The following CYP2J2 variants were observed in gnomAD, a reference collection of about 807,000 sequenced individuals.
CYP2J2 encodes the protein cytochrome P450 family 2 subfamily J member 2.
Under a neutral mutation model 48.8 loss-of-function variants are expected in CYP2J2, and 41 were observed. The observed-to-expected ratio is 0.84, with a 90% CI of 0.66 to 1.09. The LOEUF is 1.09. CYP2J2 is among the 50% of genes least tolerant of loss of function. CYP2J2 has a pLI of 0.00. For synonymous variants in CYP2J2, 221 were observed against 227.1 expected (o/e 0.97, Z 0.24); for missense variants, 644 against 617.3 (o/e 1.04, Z -0.46).
chr1:59,900,207 G>A (rs1644304949), intron 8 of CYP2J2, among the ~76,000 whole-genome samples: 1 of 152,244 alleles, frequency 6.6e-6, no homozygotes, highest in South Asian at 2.1e-4. Flanking sequence ...GCCACTGACT[G>A]ATGCCCATGT....
In CYP2J2 at chr1:59,893,484, G is replaced by A. The variant is rs4388726; in HGVS notation, c.*167C>T. On this transcript the variant is annotated 3_prime_UTR_variant, in exon 9 of 9. Coordinates refer to ENST00000371204, the MANE Select transcript of CYP2J2 (RefSeq NM_000775.4). ...TGATTTTCCCAAGGCTAATTCGGAC[G>A]AGACAGTAGAGCTGGGATTTGGATC... 38,460 of 503,482 alleles carry A rather than the reference G, an allele frequency of 0.076. 1,712 individuals are homozygous for A. The highest frequency in any genetic ancestry group is 0.16 in the African/African-American group (8,465 of 51,484). 31.2% of individuals were successfully genotyped at this position (503,482 alleles called of 1,614,324 possible).
At chr1:59,951,757 T>C in the CYP2J2 span, among the ~76,000 whole-genome samples, 1 of 152,190 alleles carries the variant, frequency 6.6e-6, no homozygotes, top group Non-Finnish European at 1.5e-5. Flanking sequence ...AGGACCCTCC[T>C]GTCTTCTCTC....
the CYP2J2 span, among the ~76,000 whole-genome samples, chr1:59,949,610 T>C: frequency 2.0e-5 from 3 of 151,960 alleles, no homozygotes; most frequent in South Asian, 6.2e-4. Context: ...TCTCAAACAA[T>C]TCCATCATGA....
the CYP2J2 span, among the ~76,000 whole-genome samples, chr1:59,961,551 G>A: frequency 5.9e-5 from 9 of 152,076 alleles, no homozygotes; most frequent in Admixed American, 5.2e-4. Flanking sequence ...AGCCATTTTG[G>A]AAAACATTCT....
chr1:59,928,467 G>C (rs1644586922), upstream of CYP2J2, among the ~76,000 whole-genome samples: 2 of 152,172 alleles, frequency 1.3e-5, no homozygotes, highest in Non-Finnish European at 2.9e-5. Flanking sequence ...CAACGTGACA[G>C]AAACCCCATT....
chr1:59,911,993 T>A (rs781043088), intron 3 of CYP2J2, among the ~76,000 whole-genome samples, 169 bp downstream of exon 3: 1 of 152,204 alleles, frequency 6.6e-6, no homozygotes. Flanking sequence ...TTAGTGCCCA[T>A]CTTTGTGTAT....
chr1:59,894,333 G>T (rs1212765032), intron 8 of CYP2J2, among the ~76,000 whole-genome samples: 1 of 152,118 alleles, frequency 6.6e-6, no homozygotes, highest in African/African-American at 2.4e-5. Context: ...GGACCTACTG[G>T]CATGGGTGGC....
the CYP2J2 span, among the ~76,000 whole-genome samples, chr1:59,936,887 G>A: frequency 2.6e-5 from 4 of 152,164 alleles, no homozygotes; most frequent in Non-Finnish European, 5.9e-5. Context: ...GTTATTATGG[G>A]CACATATCAT....
At chr1:59,936,506 T>C in the CYP2J2 span, among the ~76,000 whole-genome samples, 4 of 152,264 alleles carry the variant, frequency 2.6e-5, no homozygotes, top group South Asian at 6.2e-4. Flanking sequence ...CACCCTTTCA[T>C]CTGAATAAAT....
At chr1:59,925,722 T>G (rs1644557977) in intron 1 of CYP2J2, among the ~76,000 whole-genome samples, 1 of 152,232 alleles carries the variant, frequency 6.6e-6, no homozygotes, top group African/African-American at 2.4e-5. Flanking sequence ...TTTAAAGTAC[T>G]GCAGGCATGT....
upstream of CYP2J2, chr1:59,926,798 C>T (rs1204744205): frequency 6.6e-7 from 1 of 1,505,116 alleles, no homozygotes; most frequent in Non-Finnish European, 9.0e-7. Context: ...GCGGTCCCAG[C>T]AGGCGACGGT....
chr1:59,905,968 C>T (rs529281617), intron 6 of CYP2J2, among the ~76,000 whole-genome samples: 1 of 152,280 alleles, frequency 6.6e-6, no homozygotes, highest in African/African-American at 2.4e-5. Flanking sequence ...AGGCGGATCA[C>T]GAGGTCAGGA....
Position 59,901,236 on chromosome 1 carries a change from C to G in CYP2J2, c.1192-133G>C, listed in dbSNP as rs1644317466. The G allele has an allele frequency of 4.7e-6, 4 of 846,712 alleles. No individual in the cohort carries two copies. In the Admixed American group the frequency reaches 7.3e-5, roughly 16 times the overall value. The allele number at this position is 846,712 out of a possible 1,614,324, so 52.4% of individuals were successfully genotyped here. A position where few individuals can be genotyped will look rare whatever the true frequency, so the allele number is the denominator to read the frequency against. On this transcript the variant is annotated intron_variant, in intron 7 of 8. Coordinates refer to ENST00000371204, the MANE Select transcript of CYP2J2 (RefSeq NM_000775.4). ...CCCCACCCTCCCCAATTGTGGTACACAGTCTCCTGTGTCCCCCAACCCAGG... is the reference window on the plus strand; with the variant it reads ...CCCCACCCTCCCCAATTGTGGTACAGAGTCTCCTGTGTCCCCCAACCCAGG...
At chr1:59,959,308 T>G in the CYP2J2 span, among the ~76,000 whole-genome samples, 23 of 152,192 alleles carry the variant, frequency 1.5e-4, no homozygotes, top group African/African-American at 5.3e-4. Context: ...TAGTCCCACC[T>G]TCTCCACCAG....
rs1445005705 is a variant in CYP2J2 at position 59,909,860 on chromosome 1, A to G, written c.785T>C (p.Ile262Thr). The G allele has an allele frequency of 4.3e-6, 7 of 1,611,974 alleles. No individual in the cohort carries two copies. In the South Asian group the frequency reaches 6.6e-5, roughly 15 times the overall value. The change falls in exon 5 of 9, where the codon ATT (isoleucine) becomes ACT (threonine). Residue 262 changes from isoleucine to threonine, a missense_variant. By Grantham distance (89) the Ile-to-Thr change is moderately conservative. Coordinates refer to ENST00000371204, the MANE Select transcript of CYP2J2 (RefSeq NM_000775.4). ...KKLKLFVSHM[I>T]DKHRKDWNPA... Reference sequence around the variant, plus strand: ...ATTCCAATCCTTTCTGTGTTTGTCAATCATATGAGAAACAAACAATTTCAG... The same window carrying G: ...ATTCCAATCCTTTCTGTGTTTGTCAGTCATATGAGAAACAAACAATTTCAG...
Position 59,901,085 on chromosome 1 carries a change from T to A in CYP2J2, c.1210A>T (p.Asn404Tyr), listed in dbSNP as rs72547598. ...HLPKGTMILTNLTALHRDPTE... is the reference protein window; with the variant it reads ...HLPKGTMILTYLTALHRDPTE... ...GGGTCCCTGTGCAGCGCCGTCAAAT[T>A]GGTCAGGATCATGGTACCCTAGAGA... The change falls in exon 8 of 9, where the codon AAT (asparagine) becomes TAT (tyrosine). Residue 404 changes from asparagine to tyrosine, a missense_variant. Transcript: ENST00000371204. 1.9e-6 allele frequency: 3 copies of A among 1,613,830 alleles called. No individual in the cohort carries two copies. Among genetic ancestry groups the A allele is most frequent in the Non-Finnish European group, 2.5e-6 (3 of 1,179,822 alleles).
At chr1:59,967,591 T>C in the CYP2J2 span, among the ~76,000 whole-genome samples, 14 of 152,348 alleles carry the variant, frequency 9.2e-5, 1 homozygote, top group African/African-American at 3.4e-4. Flanking sequence ...GTCGTCTTTC[T>C]GAGCATATAT....
At chr1:59,943,293 C>G in the CYP2J2 span, among the ~76,000 whole-genome samples, 2 of 151,980 alleles carry the variant, frequency 1.3e-5, no homozygotes, top group African/African-American at 4.8e-5. Context: ...GGAGAAGGAG[C>G]CAGCAAGAGC....
chr1:59,912,150 T>G lies in CYP2J2; in HGVS notation c.523+12A>C. 6.2e-7 allele frequency: 1 copy of G among 1,609,722 alleles called. No individual in the cohort carries two copies. Among genetic ancestry groups the G allele is most frequent in the South Asian group, 1.1e-5 (1 of 90,130 alleles). On this transcript the variant is annotated intron_variant, in intron 3 of 8. Transcript: ENST00000371204. Reference sequence around the variant, plus strand: ...GCCACAGTCTCTCACCTCTGTCATATGCAATGCTCACCGTTCTCCTCTTTT... The same window carrying G: ...GCCACAGTCTCTCACCTCTGTCATAGGCAATGCTCACCGTTCTCCTCTTTT...
Sources: gnomAD v4.1 joint callset for allele counts (sites outside exome capture counted in the v4.1 genomes callset) on GRCh38, gnomAD v4.1.1 for gene constraint, MANE v1.5 for transcripts, NCBI Gene and HGNC (gene_info 2026-07-23, HGNC 2026-07-21) for gene names.